The following GSG1L variants were observed in gnomAD, a reference collection of about 807,000 sequenced individuals.
GSG1L encodes the protein GSG1 like, also known as germ cell-specific gene 1-like protein.
GSG1L carries 24 observed loss-of-function variants against 42.1 expected under a neutral mutation model. The observed-to-expected ratio is 0.57, with a 90% CI of 0.41 to 0.80. GSG1L has a LOEUF of 0.80. Among genes scored for constraint, GSG1L ranks in the 30% least tolerant of loss-of-function variants. The pLI, the probability that GSG1L is intolerant of heterozygous loss-of-function variation, is 0.00. For synonymous variants in GSG1L, 215 were observed against 203.5 expected, an observed-to-expected ratio of 1.06 and a Z score of -0.48; for missense variants, 445 against 472.2, an observed-to-expected ratio of 0.94 and a Z score of 0.53.
chr16:27,953,541 G>T (rs2084973106), intron 2 of GSG1L, among the ~76,000 whole-genome samples: 1 of 152,134 alleles, frequency 6.6e-6, no homozygotes. Context: ...AGCAGAAAGG[G>T]GCTGTGGCAG....
chr16:27,884,218 C>G lies in GSG1L; in HGVS notation c.550+268G>C, dbSNP rs1383058808. Reference sequence around the variant, plus strand: ...GAAGACATCTCAAATTCATCTGCCTCTCCCTCCCACATGTGTTATGCTCCT... The same window carrying G: ...GAAGACATCTCAAATTCATCTGCCTGTCCCTCCCACATGTGTTATGCTCCT... On this transcript the variant is annotated intron_variant, in intron 3 of 6. Coordinates refer to ENST00000447459, the MANE Select transcript of GSG1L (RefSeq NM_001109763.2). This position sits in a 1 kb window ranked among gnomAD's most constrained non-coding sequence, Gnocchi z 4.4. 6.6e-6 allele frequency among the ~76,000 whole-genome samples: 1 copy of G among 152,244 alleles called. No homozygotes were observed. The highest frequency in any genetic ancestry group is 1.5e-5 in the Non-Finnish European group (1 of 68,054).
intron 2 of GSG1L, among the ~76,000 whole-genome samples, chr16:27,947,551 AAGAAAGAAAGAAAGAAAGAAAG>A (rs1440950047): frequency 2.8e-5 from 2 of 72,280 alleles, no homozygotes; most frequent in Non-Finnish European, 6.2e-5. Flanking sequence ...GAAAGAAAGA[AAGAAAGAAAGAAAGAAAGAAAG>A]AAAGAAAGAA....
intron 1 of GSG1L, among the ~76,000 whole-genome samples, chr16:28,032,056 A>C (rs894303860): frequency 6.6e-6 from 1 of 152,226 alleles, no homozygotes; most frequent in Non-Finnish European, 1.5e-5. Flanking sequence ...TCACAGGGGA[A>C]CTGTATCTCT....
intron 6 of GSG1L, among the ~76,000 whole-genome samples, chr16:27,803,766 C>CATATATATATATATATATATATATAT (rs3047681): frequency 2.5e-5 from 3 of 117,902 alleles, no homozygotes; most frequent in South Asian, 2.6e-4. Flanking sequence ...ACAGTGCAGA[C>CATATATATATATATATATATATATAT]ATATATATAT....
chr16:27,882,352 G>A (rs1166236295), intron 3 of GSG1L, among the ~76,000 whole-genome samples: 1 of 152,120 alleles, frequency 6.6e-6, no homozygotes, highest in African/African-American at 2.4e-5. Flanking sequence ...CTAGCAGCAT[G>A]AGAATGGACT....
At chr16:27,936,858 T>G (rs1017245394) in intron 2 of GSG1L, among the ~76,000 whole-genome samples, 3 of 152,186 alleles carry the variant, frequency 2.0e-5, no homozygotes, top group Non-Finnish European at 4.4e-5. Flanking sequence ...CCGCCAACAC[T>G]ACCCTCCAGC....
At chr16:27,958,173 GT>G (rs1162340304) in intron 2 of GSG1L, among the ~76,000 whole-genome samples, 2 of 152,096 alleles carry the variant, frequency 1.3e-5, no homozygotes, top group African/African-American at 4.8e-5. Context: ...GGAGGCTGAG[GT>G]GGGCAGGCCC....
chr16:27,963,223 G>T lies in GSG1L; in HGVS notation c.350-20C>A. On this transcript the variant is annotated intron_variant, in intron 1 of 6. Coordinates refer to ENST00000447459, the MANE Select transcript of GSG1L (RefSeq NM_001109763.2). ...TTTCACCTTTGAAAAGAAGAGAAGC[G>T]TTTTCAGAATGTGAGAGGACACGTG... 1 of 1,612,880 alleles carries T rather than the reference G, an allele frequency of 6.2e-7. No homozygotes were observed. The highest frequency in any genetic ancestry group is 2.2e-5 in the East Asian group (1 of 44,874).
At chr16:27,803,813 A>ATAGAT (rs1229075121) in intron 6 of GSG1L, among the ~76,000 whole-genome samples, 2 of 148,452 alleles carry the variant, frequency 1.3e-5, no homozygotes, top group African/African-American at 5.0e-5. Flanking sequence ...AGATATAGAT[A>ATAGAT]TAGATATAGA....
intron 1 of GSG1L, among the ~76,000 whole-genome samples, chr16:27,975,571 T>C (rs2085241475): frequency 6.6e-6 from 1 of 152,204 alleles, no homozygotes; most frequent in Non-Finnish European, 1.5e-5. Context: ...TCTATTTACG[T>C]GTAGTCCTGT....
chr16:27,796,187 C>T (rs1201025224), intron 6 of GSG1L, among the ~76,000 whole-genome samples: 3 of 152,202 alleles, frequency 2.0e-5, no homozygotes, highest in Non-Finnish European at 2.9e-5. Context: ...AATCACCCAG[C>T]CGCTGTCCGA....
At chr16:27,996,120 T>A (rs531173075) in intron 1 of GSG1L, among the ~76,000 whole-genome samples, 56 of 152,218 alleles carry the variant, frequency 3.7e-4, no homozygotes, top group African/African-American at 1.3e-3. Context: ...TCTCTCTCTC[T>A]GTCACTCACA....
At chr16:27,861,058 A>G (rs1040299591) in intron 3 of GSG1L, among the ~76,000 whole-genome samples, 13 of 152,290 alleles carry the variant, frequency 8.5e-5, no homozygotes, top group Admixed American at 6.5e-4. Context: ...TAAATGCCCC[A>G]TTGTAGGTCT....
chr16:28,063,028 G>A lies in GSG1L; in HGVS notation c.349+48C>T. ...GGGCTCGGGCCTCGATGGCCGCGCC[G>A]CCCCGGGGGAGCCGGAGCCGAGCTG... is the stretch of plus-strand genomic sequence containing the variant. On this transcript the variant is annotated intron_variant, in intron 1 of 6. Transcript: ENST00000447459. The surrounding 1 kb of genome is among the most constrained non-coding windows in gnomAD (Gnocchi z 5.8). 1 of 1,343,594 alleles carries A rather than the reference G, an allele frequency of 7.4e-7. No homozygotes were observed. The highest frequency in any genetic ancestry group is 1.6e-5 in the South Asian group (1 of 60,714). The allele number at this position is 1,343,594 out of a possible 1,614,324, so 83.2% of individuals were successfully genotyped here. A position where few individuals can be genotyped will look rare whatever the true frequency, so the allele number is the denominator to read the frequency against.
At chr16:27,933,982 T>C (rs1001905897) in intron 2 of GSG1L, among the ~76,000 whole-genome samples, 1 of 152,210 alleles carries the variant, frequency 6.6e-6, no homozygotes, top group African/African-American at 2.4e-5. Flanking sequence ...CAATTAAATC[T>C]TCCTCACTCT....
chr16:27,921,168 T>C lies in GSG1L; in HGVS notation c.398-36530A>G, dbSNP rs77182462. Among the ~76,000 whole-genome samples, 15 of 152,316 alleles carry C rather than the reference T, an allele frequency of 9.8e-5. No individual in the cohort carries two copies. The East Asian group carries it at 2.9e-3, about 29-fold the overall frequency. ...CAGCTAATATGCACCTGCACAGCCA[T>C]TCTGACGGTTCAAATATTAAAATAT... On this transcript the variant is annotated intron_variant, in intron 2 of 6. Coordinates refer to ENST00000447459, the MANE Select transcript of GSG1L (RefSeq NM_001109763.2).
At chr16:27,915,590 A>G (rs1567517234) in intron 2 of GSG1L, among the ~76,000 whole-genome samples, 1 of 152,212 alleles carries the variant, frequency 6.6e-6, no homozygotes, top group Non-Finnish European at 1.5e-5. Context: ...TGCTGGGGAC[A>G]TAGCTACGAA....
intron 2 of GSG1L, among the ~76,000 whole-genome samples, chr16:27,948,366 A>G (rs1222247816): frequency 6.6e-6 from 1 of 151,872 alleles, no homozygotes; most frequent in Non-Finnish European, 1.5e-5. Flanking sequence ...TGGTATTCTT[A>G]TTCTTATTCT....
chr16:28,006,857 T>G (rs994836243), intron 1 of GSG1L, among the ~76,000 whole-genome samples: 3 of 151,988 alleles, frequency 2.0e-5, no homozygotes, highest in Non-Finnish European at 4.4e-5. Flanking sequence ...CTAGCAACCA[T>G]GGAGAGGCCG....
Sources: gnomAD v4.1 joint callset for allele counts (sites outside exome capture counted in the v4.1 genomes callset) on GRCh38, gnomAD v4.1.1 for gene constraint, Gnocchi (gnomAD v3.1) non-coding constraint, MANE v1.5 for transcripts, NCBI Gene and HGNC (gene_info 2026-07-23, HGNC 2026-07-21) for gene names.